Variants in ABHD14B observed in about 807,000 individuals in gnomAD.
ABHD14B encodes the protein abhydrolase domain containing 14B.
ABHD14B carries 19 observed loss-of-function variants against 15.4 expected under a neutral mutation model. The observed-to-expected ratio is 1.23, with a 90% CI of 0.86 to 1.81. ABHD14B has a LOEUF of 1.81. ABHD14B is among the 40% of genes most tolerant of loss of function. The pLI is 0.00. For missense variants in ABHD14B, 243 were observed against 267.0 expected (o/e 0.91, Z 0.63); for synonymous variants, 92 against 117.3 (o/e 0.78, Z 1.39).
At chr3:51,972,191 C>T (rs1372937476) in intron 1 of ABHD14B, among the ~76,000 whole-genome samples, 4 of 141,830 alleles carry the variant, frequency 2.8e-5, no homozygotes, top group Non-Finnish European at 4.5e-5. Flanking sequence ...GAGCCGAGAT[C>T]GTGCCACTGT....
At chr3:51,970,978 G>A (rs574369953) in intron 2 of ABHD14B, among the ~76,000 whole-genome samples, 38 of 152,324 alleles carry the variant, frequency 2.5e-4, no homozygotes, top group Admixed American at 1.3e-3. Context: ...CACCCACCAG[G>A]CCCTGCCTTG....
chr3:51,969,472 T>C lies in ABHD14B; in HGVS notation c.587A>G (p.Glu196Gly). 1 of 1,613,912 alleles carries C rather than the reference T, an allele frequency of 6.2e-7. No individual in the cohort carries two copies. Among genetic ancestry groups the C allele is most frequent in the Non-Finnish European group, 8.5e-7 (1 of 1,179,966 alleles). The change falls in exon 4 of 4, where the codon GAG (glutamate) becomes GGG (glycine). Residue 196 changes from glutamate to glycine, a missense_variant. Physicochemically the swap from Glu to Gly is moderately conservative, Grantham distance 98 (BLOSUM62 -2). Transcript: ENST00000361143. ...AGHPCYLDKP[E>G]EWHTGLLDFL... ...GTCCAGCAGCCCTGTATGCCACTCC[T>C]CTGGTTTGTCCAGGTAACAGGGGTG...
Position 51,970,063 on chromosome 3 carries a change from T to C in ABHD14B, c.333A>G (p.Ser111=). 1 of 1,613,200 alleles carries C rather than the reference T, an allele frequency of 6.2e-7. No homozygotes were observed. Among genetic ancestry groups the C allele is most frequent in the Non-Finnish European group, 8.5e-7 (1 of 1,179,470 alleles). The change falls in exon 3 of 4, where the codon TCA becomes TCG. Residue 111 remains serine (S), a synonymous_variant. Coordinates refer to ENST00000361143, the MANE Select transcript of ABHD14B (RefSeq NM_001146314.2). The part of the protein sequence containing the change: ...ELGPPVVISP[S]LSGMYSLPFL... ...AGGGCAGGGAGTACATGCCACTCAG[T>C]GATGGACTGATCACAACCGGGGGGC... is the stretch of plus-strand genomic sequence containing the variant.
In ABHD14B at chr3:51,971,672, C is replaced by G; in HGVS notation, c.-2G>C. 1 of 1,610,470 alleles carries G rather than the reference C, an allele frequency of 6.2e-7. No homozygotes were observed. Among genetic ancestry groups the G allele is most frequent in the Non-Finnish European group, 8.5e-7 (1 of 1,178,762 alleles). On this transcript the variant is annotated 5_prime_UTR_variant, in exon 2 of 4. Transcript: ENST00000361143. ...GCGCTGCTCCACGCTTGCTGCCATGCCTGCTGCTGCTGTGCTGGTGAAGGG... is the reference window on the plus strand; with the variant it reads ...GCGCTGCTCCACGCTTGCTGCCATGGCTGCTGCTGCTGTGCTGGTGAAGGG...
At chr3:51,969,706 AGGGAGAGAGACAAGCTGGCCCAGT>A in intron 3 of ABHD14B, 101 bp from the exon 4 acceptor site, 1 of 1,473,296 alleles carries the variant, frequency 6.8e-7, no homozygotes, top group East Asian at 2.3e-5. Flanking sequence ...ACCCCATATG[AGGGAGAGAGACAAGCTGGCCCAGT>A]GGGTGGGGGC....
intron 2 of ABHD14B, among the ~76,000 whole-genome samples, chr3:51,971,092 G>A (rs2106798084): frequency 6.6e-6 from 1 of 152,354 alleles, no homozygotes; most frequent in South Asian, 2.1e-4. Context: ...CGATTACTCT[G>A]TGTCAGGTAC....
Position 51,970,133 on chromosome 3 carries a change from G to A in ABHD14B, c.263C>T (p.Ala88Val), listed in dbSNP as rs1445485878. The A allele has an allele frequency of 6.4e-7, 1 of 1,571,072 alleles. No homozygotes were observed. Among genetic ancestry groups the A allele is most frequent in the East Asian group, 2.2e-5 (1 of 44,630 alleles). ...CACAGCCGCCAGGAAGCTGCCAGGG[G>A]CCAGCTCCCCAATAGGGGCAGGGGC... Reference protein sequence around the residue: ...AAAPAPIGELAPGSFLAAVVD... With the variant: ...AAAPAPIGELVPGSFLAAVVD... The change falls in exon 3 of 4, where the codon GCC (alanine) becomes GTC (valine). Residue 88 changes from alanine to valine, a missense_variant. Ala to Val is a moderately conservative substitution (Grantham distance 64, BLOSUM62 0). Transcript: ENST00000361143.
At chr3:51,970,678 C>T (rs1229206618) in intron 2 of ABHD14B, 1 of 457,320 alleles carries the variant, frequency 2.2e-6, no homozygotes, top group African/African-American at 2.0e-5. Flanking sequence ...GCTCCTCCTC[C>T]AGTCATTCAG....
At position 51,969,625 on chromosome 3, in the gene ABHD14B, G is replaced by T. The variant is rs1417813103; in HGVS notation, c.454-20C>A. On this transcript the variant is annotated intron_variant, in intron 3 of 3. Coordinates refer to ENST00000361143, the MANE Select transcript of ABHD14B (RefSeq NM_001146314.2). ...TGGAGTCTGAGAGGAAGGATAGGGGGGTGGGGCAGAGTCAACAGGGACCTG... is the reference window on the plus strand; with the variant it reads ...TGGAGTCTGAGAGGAAGGATAGGGGTGTGGGGCAGAGTCAACAGGGACCTG... 6.2e-7 allele frequency: 1 copy of T among 1,602,504 alleles called. No individual in the cohort carries two copies. Among genetic ancestry groups the T allele is most frequent in the Admixed American group, 1.7e-5 (1 of 59,068 alleles).
chr3:51,969,292 A>C lies in ABHD14B; in HGVS notation c.*134T>G. On this transcript the variant is annotated 3_prime_UTR_variant, in exon 4 of 4. Coordinates refer to ENST00000361143, the MANE Select transcript of ABHD14B (RefSeq NM_001146314.2). ...GGTAGAAAAGACAAACAGACCACAAAAGACAAGAACCCAGACATATAGACA... is the reference window on the plus strand; with the variant it reads ...GGTAGAAAAGACAAACAGACCACAACAGACAAGAACCCAGACATATAGACA... The C allele has an allele frequency of 9.5e-7, 1 of 1,052,374 alleles. No homozygotes were observed. The highest frequency in any genetic ancestry group is 2.5e-5 in the East Asian group (1 of 40,104). 65.2% of individuals were successfully genotyped at this position (1,052,374 alleles called of 1,614,324 possible).
intron 3 of ABHD14B, 36 bp downstream of exon 3, chr3:51,969,907 C>T: frequency 6.2e-7 from 1 of 1,614,186 alleles, no homozygotes; most frequent in Non-Finnish European, 8.5e-7. Flanking sequence ...TTCCTTGCTC[C>T]TGGCAGGGGC....
upstream of ABHD14B, chr3:51,974,424 C>A: frequency 4.1e-6 from 1 of 246,022 alleles, no homozygotes; most frequent in African/African-American, 2.3e-5. Flanking sequence ...GCCAAGTGGC[C>A]TTGATCGTTT....
intron 1 of ABHD14B, among the ~76,000 whole-genome samples, chr3:51,972,078 C>A (rs1470841036): frequency 4.9e-5 from 7 of 143,682 alleles, no homozygotes; most frequent in African/African-American, 1.6e-4. Context: ...AACCCCGTCT[C>A]TACTAAAAAG....
Position 51,973,987 on chromosome 3 carries a change from G to A in ABHD14B, c.-51C>T, listed in dbSNP as rs1305225140. 1.6e-6 allele frequency: 2 copies of A among 1,289,476 alleles called. No individual in the cohort carries two copies. The highest frequency in any genetic ancestry group is 2.5e-5 in the South Asian group (2 of 81,008). The allele number at this position is 1,289,476 out of a possible 1,614,324, so 79.9% of individuals were successfully genotyped here. On this transcript the variant is annotated 5_prime_UTR_variant, in exon 1 of 4. Transcript: ENST00000361143. ...TACCTGGGGAGCTGCGTGGACTCGC[G>A]CAGACGGGAAGCAGGCGCGTGCTGG...
chr3:51,974,216 T>C (rs1285653119), upstream of ABHD14B: 3 of 415,472 alleles, frequency 7.2e-6, no homozygotes, highest in Non-Finnish European at 1.3e-5. Flanking sequence ...CTGAGCACGG[T>C]TTCGAACTCT....
chr3:51,973,948 G>A lies in ABHD14B; in HGVS notation c.-29+17C>T, dbSNP rs930446576. On this transcript the variant is annotated intron_variant, in intron 1 of 3. Transcript: ENST00000361143. ...TTGACTGGAGAGAAGAAAGGGTCAGGAGTGCAGGGCGGGTACCTGGGGAGC... is the reference window on the plus strand; with the variant it reads ...TTGACTGGAGAGAAGAAAGGGTCAGAAGTGCAGGGCGGGTACCTGGGGAGC... The A allele has an allele frequency of 2.3e-6, 3 of 1,289,690 alleles. No homozygotes were observed. Among genetic ancestry groups the A allele is most frequent in the South Asian group, 1.2e-5 (1 of 81,038 alleles). The allele number at this position is 1,289,690 out of a possible 1,614,324, so 79.9% of individuals were successfully genotyped here. A position where few individuals can be genotyped will look rare whatever the true frequency, so the allele number is the denominator to read the frequency against.
rs1374483788 is a variant in ABHD14B at position 51,974,040 on chromosome 3, C to G, written c.-104G>C. 1.6e-6 allele frequency: 2 copies of G among 1,288,066 alleles called. No homozygotes were observed. The highest frequency in any genetic ancestry group is 2.0e-6 in the Non-Finnish European group (2 of 988,704). 79.8% of individuals were successfully genotyped at this position (1,288,066 alleles called of 1,614,324 possible). A position where few individuals can be genotyped will look rare whatever the true frequency, so the allele number is the denominator to read the frequency against. ...GTGACCTGGGGCCGGAGGAGGAACG[C>G]TGGGAAGAGGCCGGGCCCCATCCAG... On this transcript the variant is annotated 5_prime_UTR_variant, in exon 1 of 4. Transcript: ENST00000361143.
Position 51,971,558 on chromosome 3 carries a change from A to C in ABHD14B, c.113T>G (p.Leu38Arg), listed in dbSNP as rs773108242. 1 of 1,613,740 alleles carries C rather than the reference A, an allele frequency of 6.2e-7. No homozygotes were observed. The highest frequency in any genetic ancestry group is 1.1e-5 in the South Asian group (1 of 91,072). Reference sequence around the variant, plus strand: ...CTCGGAGGAGAAGCGAATACCATGCAGCAGCAGTACAGAGAAGCGAGCCTG... The same window carrying C: ...CTCGGAGGAGAAGCGAATACCATGCCGCAGCAGTACAGAGAAGCGAGCCTG... ...SGQARFSVLLLHGIRFSSETW... is the reference protein window; with the variant it reads ...SGQARFSVLLRHGIRFSSETW... Residue 38 changes from leucine (L) to arginine (R), a missense_variant, in exon 2 of 4, where the codon CTG (leucine) becomes CGG (arginine). Leu to Arg is a moderately radical substitution (Grantham distance 102). Coordinates refer to ENST00000361143, the MANE Select transcript of ABHD14B (RefSeq NM_001146314.2).
chr3:51,973,084 C>T (rs1292246233), intron 1 of ABHD14B, among the ~76,000 whole-genome samples: 2 of 143,544 alleles, frequency 1.4e-5, no homozygotes, highest in East Asian at 4.1e-4. Flanking sequence ...CTCGCTCTGT[C>T]GCCCAGGCTG....
Sources: allele counts gnomAD v4.1 joint callset (sites outside exome capture counted in the v4.1 genomes callset), GRCh38; gene constraint gnomAD v4.1.1; transcripts MANE v1.5; gene names NCBI Gene and HGNC (gene_info 2026-07-23, HGNC 2026-07-21).